Variants in ATP8A2 observed in about 807,000 individuals in gnomAD.
ATP8A2 encodes ATPase phospholipid transporting 8A2, also known as phospholipid-transporting ATPase IB.
Under a neutral mutation model 165.6 loss-of-function variants are expected in ATP8A2, and 100 were observed. That is an observed-to-expected ratio of 0.60 (90% CI 0.51 to 0.71). The LOEUF is 0.71. Among genes scored for constraint, ATP8A2 ranks in the 30% least tolerant of loss-of-function variants. The pLI is 0.00. For synonymous variants in ATP8A2, 543 were observed against 548.8 expected, an observed-to-expected ratio of 0.99 and a Z score of 0.15; for missense variants, 1,227 against 1,479.5, an observed-to-expected ratio of 0.83 and a Z score of 2.80.
chr13:25,504,830 A>G lies in ATP8A2; in HGVS notation c.222-25169A>G, dbSNP rs184916820. 5.0e-3 allele frequency among the ~76,000 whole-genome samples: 762 copies of G among 151,680 alleles called. 5 individuals carry two copies. The highest frequency in any genetic ancestry group is 0.018 in the African/African-American group (734 of 41,370). The stretch of plus-strand genomic sequence containing the variant: ...TGGGAAAGGTCACATGTAATAATCT[A>G]TGGTCCTCTTGCTAGTAAGTGCATG... On this transcript the variant is annotated intron_variant, in intron 2 of 36. Coordinates refer to ENST00000381655, the MANE Select transcript of ATP8A2 (RefSeq NM_016529.6).
chr13:25,990,555 A>T (rs1261402612), intron 35 of ATP8A2, among the ~76,000 whole-genome samples: 1 of 152,196 alleles, frequency 6.6e-6, no homozygotes, highest in Non-Finnish European at 1.5e-5. Flanking sequence ...ACTTGCAAGG[A>T]TGGCCATGTG....
At chr13:25,599,493 A>C (rs976596048) in intron 24 of ATP8A2, among the ~76,000 whole-genome samples, 1 of 152,218 alleles carries the variant, frequency 6.6e-6, no homozygotes, top group Non-Finnish European at 1.5e-5. Context: ...GCTGTTTATA[A>C]ATCTTGTATA....
rs1382086463 is a variant in ATP8A2 at position 25,551,361 on chromosome 13, G to A, written c.915G>A (p.Lys305=). The part of the protein sequence containing the change: ...LMQNSTKAPL[K]RSNVEKVTNV... ...AGAATTCAACCAAAGCGCCTCTCAA[G>A]AGATCAAATGTTGAGAAGGTGACTA... The change falls in exon 11 of 37, where the codon AAG becomes AAA. Residue 305 remains lysine (K), a synonymous_variant. Transcript: ENST00000381655. 6.2e-7 allele frequency: 1 copy of A among 1,614,008 alleles called. No homozygotes were observed. The highest frequency in any genetic ancestry group is 8.5e-7 in the Non-Finnish European group (1 of 1,179,936).
At chr13:25,713,508 C>T (rs2043194382) in intron 25 of ATP8A2, among the ~76,000 whole-genome samples, 1 of 152,102 alleles carries the variant, frequency 6.6e-6, no homozygotes, top group Non-Finnish European at 1.5e-5. Flanking sequence ...AACCAGAAAG[C>T]TCTCATTGCC....
At chr13:25,959,985 C>T (rs1955621552) in intron 33 of ATP8A2, among the ~76,000 whole-genome samples, 1 of 152,238 alleles carries the variant, frequency 6.6e-6, no homozygotes, top group Non-Finnish European at 1.5e-5. Flanking sequence ...AAAGCAAGTC[C>T]TCCCATTCCA....
intron 27 of ATP8A2, among the ~76,000 whole-genome samples, chr13:25,777,899 G>A (rs1157962237): frequency 6.6e-6 from 1 of 152,130 alleles, no homozygotes; most frequent in Non-Finnish European, 1.5e-5. Flanking sequence ...CTCCACTCTC[G>A]CCCCCAAACC....
At chr13:25,880,708 C>A (rs773889939) in intron 33 of ATP8A2, among the ~76,000 whole-genome samples, 1 of 152,092 alleles carries the variant, frequency 6.6e-6, no homozygotes, top group African/African-American at 2.4e-5. Flanking sequence ...TTACAAGTTA[C>A]GTTCCCCTAA....
intron 27 of ATP8A2, among the ~76,000 whole-genome samples, chr13:25,806,998 A>C (rs1198029481): frequency 1.3e-5 from 2 of 152,050 alleles, no homozygotes; most frequent in Admixed American, 1.3e-4. Context: ...GTCTATTCAG[A>C]TTCTTTGCCC....
chr13:25,514,669 G>T (rs951617704), intron 2 of ATP8A2, among the ~76,000 whole-genome samples: 2 of 152,188 alleles, frequency 1.3e-5, no homozygotes, highest in African/African-American at 4.8e-5. Flanking sequence ...AGTTTATCTT[G>T]TGGGGTTCCT....
chr13:25,678,449 C>T (rs1360200351), intron 24 of ATP8A2, among the ~76,000 whole-genome samples: 1 of 152,074 alleles, frequency 6.6e-6, no homozygotes, highest in African/African-American at 2.4e-5. Flanking sequence ...ATTACCTAGA[C>T]CCCAGATGCC....
intron 33 of ATP8A2, among the ~76,000 whole-genome samples, chr13:25,944,037 A>T (rs1362882569): frequency 1.3e-5 from 2 of 152,234 alleles, no homozygotes; most frequent in Non-Finnish European, 2.9e-5. Flanking sequence ...AAAATAATTA[A>T]TTTATGTATG....
At chr13:25,884,358 C>T (rs927043985) in intron 33 of ATP8A2, among the ~76,000 whole-genome samples, 8 of 152,170 alleles carry the variant, frequency 5.3e-5, no homozygotes, top group Non-Finnish European at 1.2e-4. Context: ...CATTCCCTGC[C>T]ACTCACCACC....
At chr13:25,903,817 A>G (rs1051435839) in intron 33 of ATP8A2, among the ~76,000 whole-genome samples, 1 of 151,956 alleles carries the variant, frequency 6.6e-6, no homozygotes, top group African/African-American at 2.4e-5. Context: ...GGATTTACTT[A>G]TTTCTTTGGC....
In ATP8A2 at chr13:26,020,289, A is replaced by T; in HGVS notation, c.*304A>T. ...AAATTAAAAACATTATGTTTCACCA[A>T]TATTTAAACATCAGTACTAGTTGTC... On this transcript the variant is annotated 3_prime_UTR_variant, in exon 37 of 37. Coordinates refer to ENST00000381655, the MANE Select transcript of ATP8A2 (RefSeq NM_016529.6). 1 of 353,952 alleles carries T rather than the reference A, an allele frequency of 2.8e-6. No individual in the cohort carries two copies. 21.9% of individuals were successfully genotyped at this position (353,952 alleles called of 1,614,324 possible).
chr13:25,685,892 A>G (rs2042590979), intron 24 of ATP8A2, among the ~76,000 whole-genome samples: 1 of 152,130 alleles, frequency 6.6e-6, no homozygotes, highest in Admixed American at 6.5e-5. Flanking sequence ...GGCTGCTCTG[A>G]TGGTCCAGGT....
chr13:25,449,060 A>G (rs2035143947), intron 1 of ATP8A2, among the ~76,000 whole-genome samples: 1 of 152,184 alleles, frequency 6.6e-6, no homozygotes, highest in South Asian at 2.1e-4. Context: ...AGATAAATCT[A>G]TTTAGAAAGA....
chr13:25,694,649 A>G lies in ATP8A2; in HGVS notation c.2212-4524A>G, dbSNP rs77545079. ...GATGTTTTCAGGATGCTTGTTTGAG[A>G]TTCAGAATTACAAAGCTAATTGACA... On this transcript the variant is annotated intron_variant, in intron 24 of 36. Transcript: ENST00000381655. Among the ~76,000 whole-genome samples, 2,970 of 152,278 alleles carry G rather than the reference A, an allele frequency of 0.02. 208 individuals are homozygous for G. In the East Asian group the frequency reaches 0.24, roughly 12 times the overall value.
intron 2 of ATP8A2, among the ~76,000 whole-genome samples, chr13:25,505,591 A>G (rs1029625988): frequency 1.3e-5 from 2 of 152,112 alleles, no homozygotes; most frequent in Admixed American, 6.5e-5. Flanking sequence ...TAGAGACTCT[A>G]TCTCTCTAGA....
At chr13:25,583,785 TGTC>T (rs1207127600) in intron 23 of ATP8A2, among the ~76,000 whole-genome samples, 9 of 152,344 alleles carry the variant, frequency 5.9e-5, no homozygotes, top group African/African-American at 2.2e-4. Context: ...AATTGATACC[TGTC>T]CAAACAATTT....
Sources: allele counts gnomAD v4.1 joint callset (sites outside exome capture counted in the v4.1 genomes callset), GRCh38; gene constraint gnomAD v4.1.1; transcripts MANE v1.5; gene names NCBI Gene and HGNC (gene_info 2026-07-23, HGNC 2026-07-21).